The following SNX25 variants were observed in gnomAD, a reference collection of about 807,000 sequenced individuals.
SNX25 encodes sorting nexin-25.
SNX25 carries 62 observed loss-of-function variants against 113.7 expected under a neutral mutation model. The observed-to-expected ratio is 0.55, with a 90% CI of 0.44 to 0.67. The LOEUF is 0.67. Ranked by LOEUF, SNX25 falls within the 30% of genes least tolerant of loss-of-function variation. The pLI, the probability that SNX25 is intolerant of heterozygous loss-of-function variation, is 0.00. For missense variants in SNX25, 1,014 were observed against 1,161.0 expected (o/e 0.87, Z 1.84); for synonymous variants, 421 against 436.2 (o/e 0.97, Z 0.43).
chr4:185,290,200 C>T lies in SNX25; in HGVS notation c.1162+2118C>T, dbSNP rs117470875. 6.1e-3 allele frequency among the ~76,000 whole-genome samples: 935 copies of T among 152,310 alleles called. 16 individuals carry two copies. Among genetic ancestry groups the T allele is most frequent in the South Asian group, 0.049 (238 of 4,826 alleles). On this transcript the variant is annotated intron_variant, in intron 6 of 18. Coordinates refer to ENST00000652585, the MANE Select transcript of SNX25 (RefSeq NM_001378034.2). Reference sequence around the variant, plus strand: ...CCAAATAAGGCCACATCCTAAGGTACTTGGCGTTAGGACTTCAGCATCTGA... The same window carrying T: ...CCAAATAAGGCCACATCCTAAGGTATTTGGCGTTAGGACTTCAGCATCTGA...
At chr4:185,375,487 A>AAAAATATGTAT in the SNX25 span, 1 of 12,010 alleles carries the variant, frequency 8.3e-5, no homozygotes, top group Non-Finnish European at 1.5e-4. Context: ...AAAAAAAAAA[A>AAAAATATGTAT]ATATATATAT....
At chr4:185,284,149 T>C (rs1314407632) in intron 5 of SNX25, among the ~76,000 whole-genome samples, 1 of 152,206 alleles carries the variant, frequency 6.6e-6, no homozygotes, top group Non-Finnish European at 1.5e-5. Flanking sequence ...AGACTCTTGA[T>C]CTAGTTGGGG....
rs3822302 is a variant in SNX25, at chr4:185,351,619, T to G, written c.2466+10T>G. The G allele has an allele frequency of 6.2e-7, 1 of 1,612,596 alleles. No individual in the cohort carries two copies. The highest frequency in any genetic ancestry group is 1.1e-5 in the South Asian group (1 of 90,940). ...CTTCTCCCACCAGGAGGTGAGCCGT[T>G]GAAAGAGTGAACCACTTTTGTAGTG... On this transcript the variant is annotated intron_variant, in intron 14 of 18. Transcript: ENST00000652585.
intron 2 of SNX25, among the ~76,000 whole-genome samples, chr4:185,253,747 G>A (rs1746006484): frequency 6.6e-6 from 1 of 152,188 alleles, no homozygotes; most frequent in South Asian, 2.1e-4. Flanking sequence ...GGGATTACAG[G>A]CGTGAGCCAC....
At chr4:185,216,395 T>C (rs547891971) in intron 1 of SNX25, among the ~76,000 whole-genome samples, 1 of 152,146 alleles carries the variant, frequency 6.6e-6, no homozygotes, top group African/African-American at 2.4e-5. Context: ...CAGCATAAGA[T>C]GAAGTTGTAT....
chr4:185,294,918 G>A (rs1408457109), intron 6 of SNX25, among the ~76,000 whole-genome samples: 1 of 152,084 alleles, frequency 6.6e-6, no homozygotes, highest in African/African-American at 2.4e-5. Context: ...GGATGTTACA[G>A]GAAGTCGCTC....
At chr4:185,338,375 A>G (rs2095243057) in intron 10 of SNX25, among the ~76,000 whole-genome samples, 1 of 151,090 alleles carries the variant, frequency 6.6e-6, no homozygotes, top group Non-Finnish European at 1.5e-5. Context: ...CCCTGAGTTC[A>G]AGCGATTCTC....
At chr4:185,269,247 C>T (rs965797934) in intron 5 of SNX25, among the ~76,000 whole-genome samples, 7 of 152,066 alleles carry the variant, frequency 4.6e-5, no homozygotes, top group Non-Finnish European at 8.8e-5. Flanking sequence ...CCTCTCCTCT[C>T]CCTAAAACTG....
chr4:185,289,031 T>A (rs1425896421), intron 6 of SNX25, among the ~76,000 whole-genome samples: 1 of 152,314 alleles, frequency 6.6e-6, no homozygotes, highest in African/African-American at 2.4e-5. Context: ...GGCTGGGGAC[T>A]TGGACCTGGA....
intron 6 of SNX25, among the ~76,000 whole-genome samples, chr4:185,289,202 C>G (rs1288537): frequency 6.6e-6 from 1 of 152,032 alleles, no homozygotes; most frequent in African/African-American, 2.4e-5. Flanking sequence ...GATAATGATA[C>G]AGTAGTAAAC....
chr4:185,319,344 T>C (rs1330824886), intron 7 of SNX25, among the ~76,000 whole-genome samples: 1 of 149,488 alleles, frequency 6.7e-6, no homozygotes, highest in Non-Finnish European at 1.5e-5. Flanking sequence ...ATTACAGGCA[T>C]GCACCACCAC....
intron 1 of SNX25, among the ~76,000 whole-genome samples, chr4:185,218,568 C>T (rs1008744779): frequency 2.0e-5 from 3 of 152,202 alleles, no homozygotes; most frequent in African/African-American, 7.2e-5. Flanking sequence ...CTTGCCAGTC[C>T]TGGTATGTTT....
intron 7 of SNX25, among the ~76,000 whole-genome samples, chr4:185,314,955 G>A (rs1262535882): frequency 4.6e-5 from 7 of 151,486 alleles, no homozygotes; most frequent in East Asian, 2.0e-4. Flanking sequence ...CCGGCTGGGC[G>A]CGGTGGCTCA....
intron 9 of SNX25, among the ~76,000 whole-genome samples, chr4:185,328,749 A>T (rs1398067397): frequency 1.3e-5 from 2 of 152,226 alleles, no homozygotes; most frequent in Non-Finnish European, 2.9e-5. Context: ...AGAAAGGGAC[A>T]TGAACGCGAG....
chr4:185,351,419 A>T, intron 13 of SNX25, 26 bp from the exon 14 acceptor site: 1 of 1,607,454 alleles, frequency 6.2e-7, no homozygotes, highest in Non-Finnish European at 8.5e-7. Context: ...CCCACACTGG[A>T]GCAGTTAATC....
At chr4:185,269,140 C>T (rs2310160) in intron 5 of SNX25, among the ~76,000 whole-genome samples, 64,352 of 151,842 alleles carry the variant, frequency 0.42, 13,831 homozygotes, top group East Asian at 0.58. Context: ...TCACAGGTTA[C>T]ATCCACTCAA....
the SNX25 span, chr4:185,378,039 T>TAC: frequency 6.7e-7 from 1 of 1,494,754 alleles, no homozygotes; most frequent in South Asian, 1.2e-5. Context: ...AATGAACTGT[T>TAC]AAAGTGTTTT....
In SNX25 at chr4:185,266,957, T is replaced by C. The variant is rs377693046; in HGVS notation, c.905-12T>C. 1.9e-6 allele frequency: 3 copies of C among 1,604,384 alleles called. No individual in the cohort carries two copies. Among genetic ancestry groups the C allele is most frequent in the African/African-American group, 2.7e-5 (2 of 74,342 alleles). ...TACCTTTCTCAGTGGCTATTTCTTC[T>C]TCTTCCTGTAGTCTTGAAGCCGGTA... On this transcript the variant is annotated splice_polypyrimidine_tract_variant and intron_variant, in intron 4 of 18. Coordinates refer to ENST00000652585, the MANE Select transcript of SNX25 (RefSeq NM_001378034.2).
chr4:185,261,867 G>A (rs953226762), intron 3 of SNX25, among the ~76,000 whole-genome samples: 3 of 152,168 alleles, frequency 2.0e-5, no homozygotes, highest in Non-Finnish European at 4.4e-5. Flanking sequence ...ATGGATATTT[G>A]AAAAAGTACC....
Sources: gnomAD v4.1 joint callset for allele counts (sites outside exome capture counted in the v4.1 genomes callset) on GRCh38, gnomAD v4.1.1 for gene constraint, MANE v1.5 for transcripts, NCBI Gene and HGNC (gene_info 2026-07-23, HGNC 2026-07-21) for gene names.